The following PRKAR1A variants were observed in gnomAD, a reference collection of about 807,000 sequenced individuals.
PRKAR1A encodes cAMP-dependent protein kinase type I-alpha regulatory subunit.
In PRKAR1A, 3 loss-of-function variants were observed where a neutral mutation model predicts 52.0. That is an observed-to-expected ratio of 0.06 (90% CI 0.03 to 0.15). PRKAR1A has a LOEUF of 0.15. Among genes scored for constraint, PRKAR1A ranks in the 10% least tolerant of loss-of-function variants. The pLI is 1.00. For synonymous variants in PRKAR1A, 188 were observed against 168.4 expected (o/e 1.12, Z -0.90); for missense variants, 240 against 477.4 (o/e 0.50, Z 4.63).
the PRKAR1A span, among the ~76,000 whole-genome samples, chr17:68,468,508 A>T: frequency 9.2e-5 from 14 of 152,230 alleles, no homozygotes; most frequent in Non-Finnish European, 7.3e-5. Flanking sequence ...GCTCTAAACC[A>T]CACATTGCTG....
the PRKAR1A span, among the ~76,000 whole-genome samples, chr17:68,489,404 ATATATATATATATGGAAAG>A: frequency 8.1e-4 from 4 of 4,936 alleles, no homozygotes; most frequent in Admixed American, 2.6e-3. Flanking sequence ...TATGGAAAGT[ATATATATATATATGGAAAG>A]TATATATATA....
At chr17:68,444,503 T>G in the PRKAR1A span, 1 of 1,613,882 alleles carries the variant, frequency 6.2e-7, no homozygotes, top group Non-Finnish European at 8.5e-7. Context: ...CTGTTGGGTT[T>G]GCAGGAATAT....
At chr17:68,450,481 G>A in the PRKAR1A span, among the ~76,000 whole-genome samples, 1 of 152,304 alleles carries the variant, frequency 6.6e-6, no homozygotes, top group East Asian at 1.9e-4. Context: ...CTAGGGAGAG[G>A]GTGCAGCCTA....
the PRKAR1A span, among the ~76,000 whole-genome samples, chr17:68,444,915 CTTTTTTTTTTT>C: frequency 1.1e-5 from 1 of 89,090 alleles, no homozygotes; most frequent in African/African-American, 4.8e-5. Context: ...ATCCTGAACA[CTTTTTTTTTTT>C]TTTTTTTTTT....
chr17:68,514,060 G>T (rs368715350), intron 1 of PRKAR1A, among the ~76,000 whole-genome samples: 1 of 152,040 alleles, frequency 6.6e-6, no homozygotes, highest in Non-Finnish European at 1.5e-5. Context: ...AAGTAAATGC[G>T]CGTTTTTGTT....
At chr17:68,437,959 A>AAAAAAC in the PRKAR1A span, among the ~76,000 whole-genome samples, 2 of 150,702 alleles carry the variant, frequency 1.3e-5, no homozygotes, top group Admixed American at 6.6e-5. Context: ...AAAAAAAAAA[A>AAAAAAC]AAAAAAAAAA....
chr17:68,467,654 G>C, the PRKAR1A span, among the ~76,000 whole-genome samples: 1 of 152,198 alleles, frequency 6.6e-6, no homozygotes, highest in South Asian at 2.1e-4. Flanking sequence ...TCAACACAGA[G>C]CTCTCTCTTT....
the PRKAR1A span, among the ~76,000 whole-genome samples, chr17:68,498,841 A>C: frequency 2.6e-5 from 4 of 152,114 alleles, no homozygotes; most frequent in African/African-American, 7.2e-5. Context: ...AATCTCTCTA[A>C]AGTACAGGCC....
upstream of PRKAR1A, among the ~76,000 whole-genome samples, chr17:68,510,776 T>C (rs1005519872): frequency 1.3e-5 from 2 of 152,028 alleles, no homozygotes; most frequent in Admixed American, 1.3e-4. Context: ...CCTTTTCCAT[T>C]CCCCCCTGTA....
chr17:68,458,305 T>A, the PRKAR1A span, among the ~76,000 whole-genome samples: 3 of 152,232 alleles, frequency 2.0e-5, no homozygotes, highest in Non-Finnish European at 4.4e-5. Context: ...CTAAACAATT[T>A]GTCTAAAGTA....
the PRKAR1A span, among the ~76,000 whole-genome samples, chr17:68,476,168 T>C: frequency 4.6e-5 from 7 of 152,148 alleles, no homozygotes; most frequent in African/African-American, 1.7e-4. Context: ...TCTACTATAA[T>C]CTACTAGGTC....
At chr17:68,511,736 G>GGGGCCCGGGCGGCGCTGGCC (rs1368643728), upstream of PRKAR1A, 2 of 152,140 alleles carry the variant, frequency 1.3e-5, no homozygotes, top group African/African-American at 4.8e-5. Flanking sequence ...ACCTGAGCCC[G>GGGGCCCGGGCGGCGCTGGCC]GGGCCCGGGC....
chr17:68,497,439 C>T, the PRKAR1A span, among the ~76,000 whole-genome samples: 2 of 152,106 alleles, frequency 1.3e-5, no homozygotes, highest in Non-Finnish European at 2.9e-5. Context: ...CTGGGCTGTC[C>T]AATATGGTAG....
chr17:68,473,671 C>T, the PRKAR1A span, among the ~76,000 whole-genome samples: 894 of 152,172 alleles, frequency 5.9e-3, 2 homozygotes, highest in Non-Finnish European at 9.0e-3. Flanking sequence ...TACAGGCGTG[C>T]GCCACCATGC....
At chr17:68,421,634 T>C in the PRKAR1A span, 27 of 1,221,430 alleles carry the variant, frequency 2.2e-5, no homozygotes, top group Admixed American at 2.0e-4. Context: ...AACCAGGTCC[T>C]GTGGTTTAAG....
intron 11 of PRKAR1A, chr17:68,541,300 C>T: frequency 2.9e-6 from 1 of 347,054 alleles, no homozygotes; most frequent in Non-Finnish European, 5.6e-6. Context: ...CCTCTTGGAC[C>T]CTGCGCCACT....
At chr17:68,486,846 G>T in the PRKAR1A span, among the ~76,000 whole-genome samples, 1 of 150,222 alleles carries the variant, frequency 6.7e-6, no homozygotes, top group African/African-American at 2.5e-5. Context: ...GTATACTAAT[G>T]CTAGTTACCT....
At chr17:68,429,010 C>A in the PRKAR1A span, 2 of 1,132,870 alleles carry the variant, frequency 1.8e-6, no homozygotes, top group Non-Finnish European at 1.3e-6. Flanking sequence ...TGACAAAGCC[C>A]CCCTCACCCT....
At chr17:68,427,094 A>C in the PRKAR1A span, 8 of 1,522,520 alleles carry the variant, frequency 5.3e-6, no homozygotes, top group Non-Finnish European at 7.3e-6. Context: ...GAGGGAGGTC[A>C]CTGTTGGAGA....
Sources: gnomAD v4.1 joint callset for allele counts (sites outside exome capture counted in the v4.1 genomes callset) on GRCh38, gnomAD v4.1.1 for gene constraint, MANE v1.5 for transcripts, NCBI Gene and HGNC (gene_info 2026-07-23, HGNC 2026-07-21) for gene names.